The following LYPD5 variants were observed in gnomAD, a reference collection of about 807,000 sequenced individuals.
LYPD5 encodes ly6/PLAUR domain-containing protein 5.
LYPD5 carries 21 observed loss-of-function variants against 19.1 expected under a neutral mutation model. The ratio of observed to expected loss-of-function variants is 1.10; its 90% CI spans 0.78 to 1.58. LYPD5 has a LOEUF of 1.58. Ranked by LOEUF, LYPD5 falls within the 40% of genes most tolerant of loss-of-function variation. The pLI is 0.00. For missense variants in LYPD5, 287 were observed against 329.8 expected (o/e 0.87, Z 1.00); for synonymous variants, 128 against 142.7 (o/e 0.90, Z 0.74).
chr19:43,816,819 C>T (rs1156914855), intron 1 of LYPD5, among the ~76,000 whole-genome samples: 5 of 151,888 alleles, frequency 3.3e-5, no homozygotes, highest in African/African-American at 1.2e-4. Flanking sequence ...TCCCCCATAC[C>T]GTTCTCATGA....
At chr19:43,803,585 C>A (rs760909166), upstream of LYPD5, among the ~76,000 whole-genome samples, 1 of 149,110 alleles carries the variant, frequency 6.7e-6, no homozygotes, top group Non-Finnish European at 1.5e-5. Context: ...CCCCTCAGAT[C>A]GACTAAACTT....
At chr19:43,812,224 T>C (rs1970329564) in intron 1 of LYPD5, among the ~76,000 whole-genome samples, 2 of 152,188 alleles carry the variant, frequency 1.3e-5, no homozygotes, top group Admixed American at 1.3e-4. Context: ...TGTTTGCTAA[T>C]GTCCCATGTC....
chr19:43,801,182 A>G (rs147888085), intron 1 of LYPD5, among the ~76,000 whole-genome samples: 1 of 152,220 alleles, frequency 6.6e-6, no homozygotes, highest in East Asian at 1.9e-4. Context: ...TGGTTGTGCT[A>G]CTACACCTTA....
upstream of LYPD5, among the ~76,000 whole-genome samples, chr19:43,807,198 G>T (rs1970277098): frequency 6.6e-6 from 1 of 151,900 alleles, no homozygotes; most frequent in Admixed American, 6.6e-5. Flanking sequence ...GAATTTTTTT[G>T]GTTATTATAT....
rs150401769 is a variant in LYPD5 at position 43,817,989 on chromosome 19, C to G, written c.-66+2551G>C. Among the ~76,000 whole-genome samples, 34 of 152,308 alleles carry G rather than the reference C, an allele frequency of 2.2e-4. No homozygotes were observed. The East Asian group carries it at 5.0e-3, about 22-fold the overall frequency. On this transcript the variant is annotated intron_variant, in intron 1 of 4. Transcript: ENST00000414615. The stretch of plus-strand genomic sequence containing the variant: ...TTGGCCTCCCAAAGTGCTGGGATTA[C>G]AGGCATGAACTACTGCGCCCAGCCC...
chr19:43,799,651 C>G (rs1970194714), intron 2 of LYPD5, 55 bp downstream of exon 2: 2 of 1,547,184 alleles, frequency 1.3e-6, no homozygotes, highest in East Asian at 4.6e-5. Context: ...GCTCCCCTCT[C>G]CCCCCTTTTT....
At chr19:43,800,052 C>T in intron 1 of LYPD5, 2 of 443,414 alleles carry the variant, frequency 4.5e-6, no homozygotes, top group Non-Finnish European at 4.0e-6. Flanking sequence ...CCAGTTTTTT[C>T]CCTCCAGGAC....
intron 1 of LYPD5, among the ~76,000 whole-genome samples, chr19:43,817,927 G>T (rs779721740): frequency 2.0e-5 from 3 of 151,838 alleles, no homozygotes; most frequent in Non-Finnish European, 4.4e-5. Context: ...TTTTGGCCAG[G>T]ATGGTCTCTA....
chr19:43,797,720 C>T lies in LYPD5; in HGVS notation c.627G>A (p.Glu209=), dbSNP rs750092907. Residue 209 remains glutamate (E), a synonymous_variant, in exon 5 of 5, where the codon GAG becomes GAA. Coordinates refer to ENST00000377950, the MANE Select transcript of LYPD5 (RefSeq NM_001031749.3). The part of the protein sequence containing the change: ...TAIDLQGSCC[E]GYLCNRKSMT... Reference sequence around the variant, plus strand: ...TGGATTTCCTGTTGCAGAGGTACCCCTCACAGCAGGAGCCCTGGAGGTCGA... The same window carrying T: ...TGGATTTCCTGTTGCAGAGGTACCCTTCACAGCAGGAGCCCTGGAGGTCGA... The T allele has an allele frequency of 1.9e-6, 3 of 1,613,754 alleles. No individual in the cohort carries two copies. The South Asian group carries it at 3.3e-5, about 18-fold the overall frequency.
At chr19:43,810,049 C>T (rs112616402) in intron 1 of LYPD5, among the ~76,000 whole-genome samples, 2 of 152,122 alleles carry the variant, frequency 1.3e-5, no homozygotes, top group Non-Finnish European at 2.9e-5. Flanking sequence ...ATAGCATGCA[C>T]AATACATAAT....
chr19:43,797,512 C>T lies in LYPD5; in HGVS notation c.*79G>A. 1 of 1,137,494 alleles carries T rather than the reference C, an allele frequency of 8.8e-7. No homozygotes were observed. The allele number at this position is 1,137,494 out of a possible 1,614,324, so 70.5% of individuals were successfully genotyped here. ...GCAATTCTTACTTTAACATCATTTT[C>T]CAGTGAGCTATGTGATAGGGGCTGA... On this transcript the variant is annotated 3_prime_UTR_variant, in exon 5 of 5. Transcript: ENST00000377950.
upstream of LYPD5, among the ~76,000 whole-genome samples, chr19:43,804,941 G>A (rs1271463749): frequency 6.6e-6 from 1 of 152,200 alleles, no homozygotes; most frequent in Non-Finnish European, 1.5e-5. Flanking sequence ...TGTGAGTGCT[G>A]TGTGCACTTT....
chr19:43,815,035 T>A (rs2146507762), intron 1 of LYPD5, among the ~76,000 whole-genome samples: 1 of 152,334 alleles, frequency 6.6e-6, no homozygotes, highest in Middle Eastern at 3.4e-3. Flanking sequence ...CTTTTGTATC[T>A]TGCCAGAGAC....
intron 1 of LYPD5, among the ~76,000 whole-genome samples, chr19:43,819,092 C>A (rs536455241): frequency 5.0e-4 from 76 of 152,024 alleles, no homozygotes; most frequent in Non-Finnish European, 8.5e-4. Context: ...TTAATTATCT[C>A]AGAAATGGAT....
At chr19:43,810,709 C>T in intron 1 of LYPD5, among the ~76,000 whole-genome samples, 1 of 151,570 alleles carries the variant, frequency 6.6e-6, no homozygotes, top group East Asian at 1.9e-4. Flanking sequence ...CTCACTGCAA[C>T]CTCTGCCTCC....
rs1970233962 is a variant in LYPD5 at position 43,802,322 on chromosome 19, A to T, written c.59T>A (p.Leu20Gln). Reference protein sequence around the residue: ...LLCLFGAALCLTGSQALQCYS... With the variant: ...LLCLFGAALCQTGSQALQCYS... ...GGATTCAGAAGTTTGCGTACCTGTC[A>T]GGCAGAGCGCAGCCCCAAAGAGGCA... Residue 20 changes from leucine to glutamine, a missense_variant, in exon 1 of 5, where the codon CTG becomes CAG. Leu to Gln is a moderately radical substitution (Grantham distance 113, BLOSUM62 -2). Transcript: ENST00000377950. The T allele has an allele frequency of 6.4e-7, 1 of 1,551,474 alleles. No individual in the cohort carries two copies. Among genetic ancestry groups the T allele is most frequent in the East Asian group, 2.4e-5 (1 of 40,926 alleles).
chr19:43,820,360 C>T (rs1158920290), intron 1 of LYPD5: 2 of 152,324 alleles, frequency 1.3e-5, no homozygotes, highest in East Asian at 3.9e-4. Context: ...CTATCACGCA[C>T]ATAATATTGC....
upstream of LYPD5, among the ~76,000 whole-genome samples, chr19:43,804,286 G>A (rs492101): frequency 0.16 from 23,731 of 151,926 alleles, 2,557 homozygotes; most frequent in East Asian, 0.47. Context: ...CTGTGGGAGG[G>A]TAGGAGCCTC....
rs1217143167 is a variant in LYPD5, at chr19:43,799,841, A to C, written c.65-7T>G. 6.2e-7 allele frequency: 1 copy of C among 1,607,014 alleles called. No individual in the cohort carries two copies. The highest frequency in any genetic ancestry group is 2.2e-5 in the East Asian group (1 of 44,702). Reference sequence around the variant, plus strand: ...CACTGCAGGGCTTGGGACCCTGGGGAGAGAGGCGTGGCAGAGTCAGCAGGG... The same window carrying C: ...CACTGCAGGGCTTGGGACCCTGGGGCGAGAGGCGTGGCAGAGTCAGCAGGG... On this transcript the variant is annotated splice_region_variant and splice_polypyrimidine_tract_variant and intron_variant, in intron 1 of 4. Transcript: ENST00000377950.
Sources: allele counts gnomAD v4.1 joint callset (sites outside exome capture counted in the v4.1 genomes callset), GRCh38; gene constraint gnomAD v4.1.1; transcripts MANE v1.5; gene names NCBI Gene and HGNC (gene_info 2026-07-23, HGNC 2026-07-21).